ANGPT2: variants seen among roughly 807,000 people sequenced by gnomAD.
The protein encoded by ANGPT2 is angiopoietin-2.
Under a neutral mutation model 62.9 loss-of-function variants are expected in ANGPT2, and 28 were observed. The ratio of observed to expected loss-of-function variants is 0.44; its 90% CI spans 0.33 to 0.61. The LOEUF is 0.61. Among genes scored for constraint, ANGPT2 ranks in the 20% least tolerant of loss-of-function variants. The probability of loss-of-function intolerance (pLI) is 0.03; values close to 1 mark genes in which losing one functional copy is unlikely to be tolerated. For synonymous variants in ANGPT2, 284 were observed against 207.8 expected, an observed-to-expected ratio of 1.37 and a Z score of -3.15; for missense variants, 727 against 594.9, an observed-to-expected ratio of 1.22 and a Z score of -2.31.
intron 2 of ANGPT2, among the ~76,000 whole-genome samples, chr8:6,529,527 C>A (rs956857902): frequency 1.3e-5 from 2 of 150,920 alleles, no homozygotes; most frequent in Admixed American, 6.6e-5. Context: ...TATCTGTTCA[C>A]TACAGACTCT....
At chr8:6,512,092 C>T (rs747171732) in intron 7 of ANGPT2, among the ~76,000 whole-genome samples, 6 of 151,934 alleles carry the variant, frequency 3.9e-5, no homozygotes, top group Admixed American at 2.0e-4. Flanking sequence ...CGGTTGTTGC[C>T]TCTCCAGGAG....
At chr8:6,515,442 C>T (rs1013263434) in intron 5 of ANGPT2, among the ~76,000 whole-genome samples, 8 of 152,160 alleles carry the variant, frequency 5.3e-5, no homozygotes, top group African/African-American at 1.2e-4. Flanking sequence ...CATGACTTCA[C>T]GCTTCTCTGT....
intron 1 of ANGPT2, among the ~76,000 whole-genome samples, chr8:6,547,344 C>G: frequency 6.6e-6 from 1 of 151,884 alleles, no homozygotes; most frequent in Non-Finnish European, 1.5e-5. Flanking sequence ...TCTGGAGGTC[C>G]GCCCCCTCTC....
intron 3 of ANGPT2, 47 bp from the exon 4 acceptor site, chr8:6,521,457 A>G (rs1817320860): frequency 1.6e-6 from 2 of 1,289,842 alleles, no homozygotes; most frequent in South Asian, 2.8e-5. Context: ...TTCTAATGAA[A>G]TATTTTATAT....
chr8:6,512,133 A>G (rs776740068), intron 7 of ANGPT2, among the ~76,000 whole-genome samples: 5 of 152,112 alleles, frequency 3.3e-5, no homozygotes, highest in Admixed American at 1.3e-4. Context: ...AGAATAGTGA[A>G]TATGCTTCAC....
At chr8:6,555,790 C>T (rs538164019) in intron 1 of ANGPT2, among the ~76,000 whole-genome samples, 12 of 152,264 alleles carry the variant, frequency 7.9e-5, no homozygotes, top group African/African-American at 1.9e-4. Context: ...GTCTTCTGAA[C>T]GATTAAATAG....
At chr8:6,552,414 C>G (rs1208829164) in intron 1 of ANGPT2, among the ~76,000 whole-genome samples, 1 of 152,190 alleles carries the variant, frequency 6.6e-6, no homozygotes, top group Non-Finnish European at 1.5e-5. Context: ...CACACACTTA[C>G]GATGGTCCTT....
chr8:6,520,215 T>A (rs1017968843), intron 4 of ANGPT2, among the ~76,000 whole-genome samples: 2 of 152,220 alleles, frequency 1.3e-5, no homozygotes, highest in African/African-American at 2.4e-5. Flanking sequence ...TTCCATGTAA[T>A]TAAAATACTT....
intron 2 of ANGPT2, among the ~76,000 whole-genome samples, chr8:6,531,608 A>T (rs1314177188): frequency 1.3e-5 from 2 of 152,088 alleles, no homozygotes; most frequent in African/African-American, 2.4e-5. Context: ...TGACTATTTC[A>T]GTCTTCTTTC....
chr8:6,504,178 C>T (rs960947802), intron 8 of ANGPT2, among the ~76,000 whole-genome samples: 10 of 151,654 alleles, frequency 6.6e-5, no homozygotes, highest in African/African-American at 2.2e-4. Flanking sequence ...ATTAGCCGGG[C>T]GTGGTGGCGG....
chr8:6,538,140 C>T (rs1450993903), intron 1 of ANGPT2, among the ~76,000 whole-genome samples: 1 of 152,144 alleles, frequency 6.6e-6, no homozygotes, highest in African/African-American at 2.4e-5. Context: ...TCCATCTTCC[C>T]ACCCAGCCCT....
intron 2 of ANGPT2, among the ~76,000 whole-genome samples, chr8:6,529,255 A>T (rs1818983730): frequency 6.6e-6 from 1 of 151,996 alleles, no homozygotes; most frequent in Non-Finnish European, 1.5e-5. Context: ...AAGATATGAG[A>T]CCTCCAGCCA....
intron 7 of ANGPT2, among the ~76,000 whole-genome samples, chr8:6,512,047 C>T (rs1431948886): frequency 6.6e-6 from 1 of 151,968 alleles, no homozygotes; most frequent in African/African-American, 2.4e-5. Flanking sequence ...GTTGGAACTG[C>T]TGTGAGGCCC....
intron 2 of ANGPT2, among the ~76,000 whole-genome samples, chr8:6,528,346 G>C (rs758113828): frequency 6.6e-6 from 1 of 152,172 alleles, no homozygotes; most frequent in Non-Finnish European, 1.5e-5. Context: ...TAGGTGGAAA[G>C]TATTTTCCCT....
At chr8:6,529,881 C>T (rs1361821515) in intron 2 of ANGPT2, among the ~76,000 whole-genome samples, 2 of 104,898 alleles carry the variant, frequency 1.9e-5, no homozygotes, top group South Asian at 2.7e-4. Flanking sequence ...TCACAATAGG[C>T]GTTTTTTTTT....
At chr8:6,543,994 C>T (rs763488582) in intron 1 of ANGPT2, among the ~76,000 whole-genome samples, 1 of 152,158 alleles carries the variant, frequency 6.6e-6, no homozygotes, top group Non-Finnish European at 1.5e-5. Context: ...GCATTTTAAC[C>T]TTGTTTTAGA....
chr8:6,522,878 C>A (rs1328437363), intron 3 of ANGPT2, among the ~76,000 whole-genome samples: 1 of 152,176 alleles, frequency 6.6e-6, no homozygotes, highest in Admixed American at 6.5e-5. Flanking sequence ...AACTTTCTGA[C>A]TCTGAAATCT....
chr8:6,513,939 C>A (rs1815714679), intron 6 of ANGPT2, 95 bp from the exon 7 acceptor site: 2 of 1,193,398 alleles, frequency 1.7e-6, no homozygotes, highest in Non-Finnish European at 2.3e-6. Context: ...GAATAACTAT[C>A]AAATAGCAGA....
chr8:6,505,251 T>TATGTATATATAGAATATA (rs1563305171), intron 8 of ANGPT2, among the ~76,000 whole-genome samples: 5 of 82,216 alleles, frequency 6.1e-5, no homozygotes, highest in South Asian at 3.3e-4. Context: ...TATATATTCT[T>TATGTATATATAGAATATA]TATATATGTT....
Sources: gnomAD v4.1 joint callset for allele counts (sites outside exome capture counted in the v4.1 genomes callset) on GRCh38, gnomAD v4.1.1 for gene constraint, MANE v1.5 for transcripts, NCBI Gene and HGNC (gene_info 2026-07-23, HGNC 2026-07-21) for gene names.